MMP26: variants seen among roughly 807,000 people sequenced by gnomAD.
MMP26 encodes matrix metalloproteinase-26.
Under a neutral mutation model 31.0 loss-of-function variants are expected in MMP26, and 33 were observed. The observed-to-expected ratio is 1.06, with a 90% CI of 0.81 to 1.42. The LOEUF (loss-of-function observed/expected upper bound fraction) is 1.42. Among genes scored for constraint, MMP26 ranks in the 40% most tolerant of loss-of-function variants. The probability of loss-of-function intolerance (pLI) is 0.00; values close to 1 mark genes in which losing one functional copy is unlikely to be tolerated. For missense variants in MMP26, 347 were observed against 316.1 expected (o/e 1.10, Z -0.74); for synonymous variants, 122 against 114.9 (o/e 1.06, Z -0.40).
At chr11:4,946,297 A>G (rs745638800) in intron 2 of MMP26, 3 of 1,613,786 alleles carry the variant, frequency 1.9e-6, no homozygotes, top group Middle Eastern at 3.3e-4. Context: ...GGGGAGAGAC[A>G]TGCCGGGCAA....
chr11:4,911,082 C>A (rs73405086), intron 2 of MMP26, among the ~76,000 whole-genome samples: 3,620 of 152,230 alleles, frequency 0.024, 147 homozygotes, highest in African/African-American at 0.083. Context: ...ACGAAACCTG[C>A]AGTCACTGCA....
At chr11:4,910,683 A>C (rs1021926995) in intron 2 of MMP26, among the ~76,000 whole-genome samples, 1 of 152,156 alleles carries the variant, frequency 6.6e-6, no homozygotes, top group African/African-American at 2.4e-5. Context: ...GATTGCTTAC[A>C]TCTCTGCCAA....
intron 2 of MMP26, among the ~76,000 whole-genome samples, chr11:4,851,752 G>A (rs1378586254): frequency 1.3e-5 from 2 of 151,874 alleles, no homozygotes; most frequent in African/African-American, 2.4e-5. Context: ...TTATTCTGAA[G>A]TAAATTATAT....
rs575908134 is a variant in MMP26, at chr11:4,924,028, G to T, written c.-144-64040G>T. The T allele has an allele frequency of 3.1e-6, 5 of 1,614,174 alleles. No homozygotes were observed. In the Admixed American group the frequency reaches 6.7e-5, roughly 22 times the overall value. On this transcript the variant is annotated intron_variant, in intron 2 of 7. Transcript: ENST00000380390. ...CCATTGAAGACAAGGTGTGGATGAA[G>T]AAGAGCTGAGTGAAACAGGCAGGGA... is the stretch of plus-strand genomic sequence containing the variant.
At chr11:4,729,862 T>G (rs935836079) in intron 1 of MMP26, among the ~76,000 whole-genome samples, 1 of 152,148 alleles carries the variant, frequency 6.6e-6, no homozygotes, top group Admixed American at 6.5e-5. Flanking sequence ...GCATGGATTT[T>G]TGTGGTCTGA....
At chr11:4,958,735 G>A (rs964164850) in intron 2 of MMP26, among the ~76,000 whole-genome samples, 3 of 151,948 alleles carry the variant, frequency 2.0e-5, no homozygotes, top group African/African-American at 2.4e-5. Flanking sequence ...CTGTAGTTAC[G>A]CCTCTTGAGC....
At position 4,958,981 on chromosome 11, in the gene MMP26, G is replaced by T. The variant is rs1846482047; in HGVS notation, c.-144-29087G>T. ...AGGCCGGGCGCGGTGGCTCACGCCTGTAATCCCACCACTTTGGGAGGCCGA... is the reference window on the plus strand; with the variant it reads ...AGGCCGGGCGCGGTGGCTCACGCCTTTAATCCCACCACTTTGGGAGGCCGA... On this transcript the variant is annotated intron_variant, in intron 2 of 7. Transcript: ENST00000380390. Among the ~76,000 whole-genome samples, 7 of 152,152 alleles carry T rather than the reference G, an allele frequency of 4.6e-5. No homozygotes were observed. In the South Asian group the frequency reaches 1.4e-3, roughly 31 times the overall value.
chr11:4,930,667 G>C (rs957277317), intron 2 of MMP26, among the ~76,000 whole-genome samples: 2 of 151,986 alleles, frequency 1.3e-5, no homozygotes, highest in Non-Finnish European at 2.9e-5. Flanking sequence ...CCAAAATTTA[G>C]ATTTAATATT....
At chr11:4,723,049 T>A (rs1848037455) in intron 1 of MMP26, 1 of 1,147,076 alleles carries the variant, frequency 8.7e-7, no homozygotes, top group South Asian at 1.2e-5. Context: ...CCAGTTTGAC[T>A]TTCATCAGCT....
chr11:4,847,665 TA>T (rs1269411151), intron 2 of MMP26: 1 of 152,126 alleles, frequency 6.6e-6, no homozygotes, highest in African/African-American at 2.4e-5. Flanking sequence ...AATGAAGAAT[TA>T]AAAAAATTAT....
chr11:4,825,484 T>A (rs1564789163), intron 2 of MMP26, among the ~76,000 whole-genome samples: 1 of 152,116 alleles, frequency 6.6e-6, no homozygotes, highest in Non-Finnish European at 1.5e-5. Context: ...TTGATTTTCA[T>A]GGCATACCCT....
chr11:4,846,006 A>G (rs1286922382), intron 2 of MMP26, among the ~76,000 whole-genome samples: 2 of 152,184 alleles, frequency 1.3e-5, no homozygotes, highest in African/African-American at 4.8e-5. Flanking sequence ...GTTCCTCAAT[A>G]AACTAAAATT....
intron 2 of MMP26, chr11:4,890,639 C>G (rs1162366329): frequency 6.6e-6 from 1 of 152,064 alleles, no homozygotes; most frequent in African/African-American, 2.4e-5. Context: ...AAATGACACT[C>G]AGTATGGATC....
At chr11:4,804,460 T>C (rs547765338) in intron 2 of MMP26, 31 of 1,117,604 alleles carry the variant, frequency 2.8e-5, no homozygotes, top group East Asian at 4.7e-5. Context: ...GTTATTATTA[T>C]ATACAAGGCT....
rs146222355 is a variant in MMP26, at chr11:4,850,098, G to A, written c.-145+82757G>A. On this transcript the variant is annotated intron_variant, in intron 2 of 7. Transcript: ENST00000380390. ...ATTATAACTTATTTCTTCTATCTAA[G>A]TGTATGTTTATATTTTTGAGATATT... Among the ~76,000 whole-genome samples the A allele has an allele frequency of 5.5e-3, 839 of 152,162 alleles. 8 individuals are homozygous for A. The highest frequency in any genetic ancestry group is 0.019 in the African/African-American group (802 of 41,524).
intron 2 of MMP26, among the ~76,000 whole-genome samples, chr11:4,863,445 C>G (rs2133517001): frequency 6.6e-6 from 1 of 152,224 alleles, no homozygotes; most frequent in East Asian, 1.9e-4. Context: ...CTTTCTCTTT[C>G]CATCTTTGCT....
At chr11:4,822,935 T>A (rs1422410860) in intron 2 of MMP26, among the ~76,000 whole-genome samples, 2 of 152,162 alleles carry the variant, frequency 1.3e-5, no homozygotes, top group Admixed American at 1.3e-4. Flanking sequence ...CAGCATCAGT[T>A]ACTGCTGCTG....
intron 2 of MMP26, among the ~76,000 whole-genome samples, chr11:4,801,988 A>G (rs910626952): frequency 6.6e-6 from 1 of 152,156 alleles, no homozygotes; most frequent in Admixed American, 6.5e-5. Flanking sequence ...TGGGAATCAC[A>G]TTTCAACAGA....
chr11:4,964,824 A>C (rs2133624745), intron 2 of MMP26, among the ~76,000 whole-genome samples: 1 of 152,262 alleles, frequency 6.6e-6, no homozygotes, highest in African/African-American at 2.4e-5. Flanking sequence ...GGAACAGAAA[A>C]CCAAATACTT....
Sources: allele counts gnomAD v4.1 joint callset (sites outside exome capture counted in the v4.1 genomes callset), GRCh38; gene constraint gnomAD v4.1.1; transcripts MANE v1.5; gene names NCBI Gene and HGNC (gene_info 2026-07-23, HGNC 2026-07-21).